Variants in YAF2 observed in about 807,000 individuals in gnomAD.
YAF2 encodes the protein YY1 associated factor 2, also known as YY1-associated factor 2.
Under a neutral mutation model 20.1 loss-of-function variants are expected in YAF2, and 7 were observed. The observed-to-expected ratio is 0.35, with a 90% CI of 0.20 to 0.65. The LOEUF is 0.65. YAF2 is among the 30% of genes least tolerant of loss of function. The probability of loss-of-function intolerance (pLI) is 0.69; values close to 1 mark genes in which losing one functional copy is unlikely to be tolerated. For synonymous variants in YAF2, 74 were observed against 76.0 expected (o/e 0.97, Z 0.14); for missense variants, 151 against 219.2 (o/e 0.69, Z 1.96).
chr12:42,205,736 T>C, intron 2 of YAF2: 1 of 231,012 alleles, frequency 4.3e-6, no homozygotes, highest in Non-Finnish European at 8.9e-6. Context: ...TCTTCTTCCT[T>C]TGGCTCTACT....
chr12:42,172,193 T>C (rs1349589002), intron 2 of YAF2: 4 of 152,218 alleles, frequency 2.6e-5, no homozygotes, highest in African/African-American at 4.8e-5. Flanking sequence ...AGCTCTTCAA[T>C]TAAAGTAATT....
At chr12:42,227,747 TG>T (rs1181592026) in intron 2 of YAF2, among the ~76,000 whole-genome samples, 1 of 134,776 alleles carries the variant, frequency 7.4e-6, no homozygotes, top group African/African-American at 2.8e-5. Context: ...GGGAGGGAGG[TG>T]GGGGGGTCAG....
chr12:42,238,217 C>G lies in YAF2; in HGVS notation c.-37G>C. The G allele has an allele frequency of 6.6e-7, 1 of 1,507,942 alleles. No homozygotes were observed. The highest frequency in any genetic ancestry group is 2.8e-5 in the East Asian group (1 of 36,052). The allele number at this position is 1,507,942 out of a possible 1,614,324, so 93.4% of individuals were successfully genotyped here. On this transcript the variant is annotated 5_prime_UTR_variant, in exon 1 of 4. Transcript: ENST00000534854. ...CACCGCACGCCGAGAGTCGCCGCCG[C>G]GACCGCTCTGTTTGTCAATAAGGAG...
chr12:42,191,187 G>C (rs2066603776), intron 2 of YAF2, among the ~76,000 whole-genome samples: 1 of 152,016 alleles, frequency 6.6e-6, no homozygotes, highest in Non-Finnish European at 1.5e-5. Context: ...TCCCATTACT[G>C]TCTCTCTCTT....
At chr12:42,211,821 G>C (rs948459872) in intron 2 of YAF2, among the ~76,000 whole-genome samples, 1 of 151,714 alleles carries the variant, frequency 6.6e-6, no homozygotes, top group Non-Finnish European at 1.5e-5. Flanking sequence ...GGCCGAGGTG[G>C]GCGGATTAGC....
intron 2 of YAF2, among the ~76,000 whole-genome samples, chr12:42,223,899 G>C (rs2067601428): frequency 6.6e-6 from 1 of 151,982 alleles, no homozygotes; most frequent in South Asian, 2.1e-4. Context: ...AGGGGAAGGA[G>C]AGCATTAGGA....
Position 42,160,545 on chromosome 12 carries a change from G to C in YAF2, c.*44C>G. The C allele has an allele frequency of 6.8e-7, 1 of 1,460,492 alleles. No homozygotes were observed. The highest frequency in any genetic ancestry group is 9.5e-7 in the Non-Finnish European group (1 of 1,049,432). 90.5% of individuals were successfully genotyped at this position (1,460,492 alleles called of 1,614,324 possible). On this transcript the variant is annotated 3_prime_UTR_variant, in exon 4 of 4. Coordinates refer to ENST00000534854, the MANE Select transcript of YAF2 (RefSeq NM_005748.6). ...ACCTCTTGGCATAATCTGTGTATTT[G>C]CATGGTAGGACAGAAGTGACTAAGA...
intron 2 of YAF2, chr12:42,210,526 ATGCTTCAG>A: frequency 6.5e-7 from 1 of 1,536,044 alleles, no homozygotes; most frequent in Non-Finnish European, 8.7e-7. Context: ...TGCTAGAGAC[ATGCTTCAG>A]TGCACTTGCT....
intron 2 of YAF2, chr12:42,233,712 T>C (rs118045082): frequency 0.02 from 17,682 of 886,374 alleles, 208 homozygotes; most frequent in South Asian, 0.041. Flanking sequence ...GAGATCTCAC[T>C]GTGTTGCCCA....
At chr12:42,168,712 C>A (rs964970468) in intron 2 of YAF2, among the ~76,000 whole-genome samples, 11 of 152,070 alleles carry the variant, frequency 7.2e-5, no homozygotes, top group Admixed American at 1.3e-4. Context: ...CCACTGTTCT[C>A]AAAGTAGTTA....
chr12:42,160,447 C>T lies in YAF2; in HGVS notation c.*142G>A. ...TCATTGCAATAAAATCTAACAAATT[C>T]TAACAAATTTCTATTTTATGTAAAA... On this transcript the variant is annotated 3_prime_UTR_variant, in exon 4 of 4. Coordinates refer to ENST00000534854, the MANE Select transcript of YAF2 (RefSeq NM_005748.6). 1.5e-6 allele frequency: 1 copy of T among 676,502 alleles called. No individual in the cohort carries two copies. The highest frequency in any genetic ancestry group is 2.4e-6 in the Non-Finnish European group (1 of 409,072). The allele number at this position is 676,502 out of a possible 1,614,324, so 41.9% of individuals were successfully genotyped here.
intron 2 of YAF2, among the ~76,000 whole-genome samples, chr12:42,171,413 A>G (rs554493544): frequency 2.0e-5 from 3 of 152,018 alleles, no homozygotes; most frequent in Non-Finnish European, 4.4e-5. Context: ...ACTTGAGGCC[A>G]GGAGTTAGAG....
chr12:42,178,785 A>G (rs2066263036), intron 2 of YAF2, among the ~76,000 whole-genome samples: 1 of 152,200 alleles, frequency 6.6e-6, no homozygotes. Flanking sequence ...AATTTGTACT[A>G]AACCAGAGAC....
intron 2 of YAF2, among the ~76,000 whole-genome samples, chr12:42,225,209 G>A (rs1475207421): frequency 1.3e-5 from 2 of 151,964 alleles, no homozygotes; most frequent in African/African-American, 4.8e-5. Context: ...ACTTTTTGAT[G>A]GGGTTGTTTT....
At chr12:42,179,133 T>A (rs2066273982) in intron 2 of YAF2, among the ~76,000 whole-genome samples, 1 of 152,224 alleles carries the variant, frequency 6.6e-6, no homozygotes. Context: ...TAGAGCCCAG[T>A]ATCCTCTTAT....
intron 2 of YAF2, among the ~76,000 whole-genome samples, chr12:42,174,712 A>T (rs1265401553): frequency 3.9e-5 from 6 of 152,202 alleles, no homozygotes; most frequent in African/African-American, 1.4e-4. Flanking sequence ...CTCGGTTTTA[A>T]GTATCATCTG....
chr12:42,181,113 A>G (rs1340630769), intron 2 of YAF2, among the ~76,000 whole-genome samples: 1 of 152,206 alleles, frequency 6.6e-6, no homozygotes, highest in Non-Finnish European at 1.5e-5. Context: ...ACTGCAACAA[A>G]TCATCCATTA....
intron 2 of YAF2, among the ~76,000 whole-genome samples, chr12:42,214,782 T>A (rs2067307156): frequency 6.7e-6 from 1 of 149,992 alleles, no homozygotes; most frequent in Admixed American, 6.6e-5. Context: ...GGTGGGTGGA[T>A]CACTTGAGGT....
At chr12:42,182,782 G>A (rs2066376479) in intron 2 of YAF2, among the ~76,000 whole-genome samples, 1 of 152,196 alleles carries the variant, frequency 6.6e-6, no homozygotes, top group African/African-American at 2.4e-5. Flanking sequence ...TACATTTCAA[G>A]AAACAGAAAG....
Sources: allele counts gnomAD v4.1 joint callset (sites outside exome capture counted in the v4.1 genomes callset), GRCh38; gene constraint gnomAD v4.1.1; transcripts MANE v1.5; gene names NCBI Gene and HGNC (gene_info 2026-07-23, HGNC 2026-07-21).